The following PLEKHD1 variants were observed in gnomAD, a reference collection of about 807,000 sequenced individuals.
PLEKHD1 encodes the protein pleckstrin homology domain-containing family D member 1.
Under a neutral mutation model 69.2 loss-of-function variants are expected in PLEKHD1, and 51 were observed. That is an observed-to-expected ratio of 0.74 (90% confidence interval 0.59 to 0.93). The LOEUF is 0.93. PLEKHD1 is among the 40% of genes least tolerant of loss of function. The pLI is 0.00. For synonymous variants in PLEKHD1, 236 were observed against 244.7 expected, an observed-to-expected ratio of 0.96 and a Z score of 0.33; for missense variants, 584 against 641.0, an observed-to-expected ratio of 0.91 and a Z score of 0.96.
At chr14:69,519,492 C>T (rs1013741216) in intron 6 of PLEKHD1, among the ~76,000 whole-genome samples, 1 of 152,144 alleles carries the variant, frequency 6.6e-6, no homozygotes, top group African/African-American at 2.4e-5. Context: ...GTAGTACAGA[C>T]TCAGGTAGAA....
intron 1 of PLEKHD1, among the ~76,000 whole-genome samples, chr14:69,490,551 G>C (rs190573158): frequency 1.3e-5 from 2 of 152,310 alleles, no homozygotes; most frequent in Admixed American, 6.5e-5. Context: ...TTGTCTTACT[G>C]TTGTTGGAAT....
At chr14:69,524,816 C>T (rs957822298) in intron 8 of PLEKHD1, among the ~76,000 whole-genome samples, 1 of 152,140 alleles carries the variant, frequency 6.6e-6, no homozygotes, top group Non-Finnish European at 1.5e-5. Flanking sequence ...GCATGGCAAG[C>T]AAGTGAAAAC....
chr14:69,515,346 C>T (rs747344010), intron 6 of PLEKHD1, among the ~76,000 whole-genome samples: 1 of 152,150 alleles, frequency 6.6e-6, no homozygotes, highest in Non-Finnish European at 1.5e-5. Context: ...ATTGGCCCCC[C>T]CTGGAGTTTT....
chr14:69,479,266 A>T, the PLEKHD1 span, among the ~76,000 whole-genome samples: 5 of 152,314 alleles, frequency 3.3e-5, no homozygotes, highest in African/African-American at 9.6e-5. Flanking sequence ...CCCACAACAC[A>T]TGGGAATTCA....
chr14:69,501,031 G>A (rs957139742), intron 4 of PLEKHD1, 84 bp downstream of exon 4: 6 of 1,401,012 alleles, frequency 4.3e-6, no homozygotes, highest in African/African-American at 2.9e-5. Context: ...CCTCTCTGCT[G>A]GGATCCTGGT....
At chr14:69,527,136 C>A (rs1883670858) in intron 10 of PLEKHD1, 52 bp from the exon 11 acceptor site, 1 of 1,482,312 alleles carries the variant, frequency 6.7e-7, no homozygotes, top group Admixed American at 2.5e-5. Flanking sequence ...GGGAAGATGG[C>A]AGCTACTTCC....
intron 1 of PLEKHD1, among the ~76,000 whole-genome samples, chr14:69,490,448 C>T (rs761797239): frequency 6.6e-6 from 1 of 152,226 alleles, no homozygotes; most frequent in Non-Finnish European, 1.5e-5. Context: ...TTCACCTGCT[C>T]ATCTCCTGCT....
At chr14:69,528,059 C>A in intron 12 of PLEKHD1, 127 bp downstream of exon 12, 2 of 1,477,198 alleles carry the variant, frequency 1.4e-6, no homozygotes, top group Non-Finnish European at 1.8e-6. Flanking sequence ...GCCCCACCAT[C>A]CTTGGGCAAA....
intron 1 of PLEKHD1, among the ~76,000 whole-genome samples, chr14:69,499,278 T>G (rs998146124): frequency 6.8e-6 from 1 of 147,010 alleles, no homozygotes; most frequent in African/African-American, 2.5e-5. Flanking sequence ...CACACCAGCT[T>G]TCAGAATCGC....
At chr14:69,526,654 T>C in intron 9 of PLEKHD1, 43 bp from the exon 10 acceptor site, 3 of 1,450,962 alleles carry the variant, frequency 2.1e-6, no homozygotes, top group Non-Finnish European at 2.7e-6. Context: ...GCAATCCCAT[T>C]TGGCGAGTGA....
At chr14:69,480,429 C>G (rs1205264754), upstream of PLEKHD1, among the ~76,000 whole-genome samples, 2 of 152,168 alleles carry the variant, frequency 1.3e-5, no homozygotes, top group East Asian at 3.9e-4. Context: ...CAAGTAGACA[C>G]GACGTGGCCT....
intron 1 of PLEKHD1, among the ~76,000 whole-genome samples, chr14:69,497,699 A>G (rs928229892): frequency 3.3e-5 from 5 of 152,320 alleles, no homozygotes; most frequent in Admixed American, 2.6e-4. Context: ...AGGAAAGCTG[A>G]GAGGTGGGAA....
rs768964607 is a variant in PLEKHD1, at chr14:69,522,383, G to A, written c.650+6G>A. 5 of 1,551,310 alleles carry A rather than the reference G, an allele frequency of 3.2e-6. No homozygotes were observed. In the South Asian group the frequency reaches 4.8e-5, roughly 15 times the overall value. The stretch of plus-strand genomic sequence containing the variant: ...GAGCAGGAGCAGATCAAGAGGTGGT[G>A]GTGGTGCCTGGGAATTGGGGGTGCC... On this transcript the variant is annotated splice_donor_region_variant and intron_variant, in intron 7 of 12. Coordinates refer to ENST00000322564, the MANE Select transcript of PLEKHD1 (RefSeq NM_001161498.2).
intron 8 of PLEKHD1, 68 bp from the exon 9 acceptor site, chr14:69,525,876 C>A: frequency 7.0e-7 from 1 of 1,431,494 alleles, no homozygotes; most frequent in Middle Eastern, 1.8e-4. Context: ...AACGGAAAAG[C>A]AGGTGAGGGC....
rs146037131 is a variant in PLEKHD1, at chr14:69,490,120, G to A, written c.149+5006G>A. On this transcript the variant is annotated intron_variant, in intron 1 of 12. Transcript: ENST00000322564. ...TGACCTCAGGTGATCTGCCCGCCTCGGCCTCCCAAAGTGCTGGGTTTACAG... is the reference window on the plus strand; with the variant it reads ...TGACCTCAGGTGATCTGCCCGCCTCAGCCTCCCAAAGTGCTGGGTTTACAG... Among the ~76,000 whole-genome samples the A allele has an allele frequency of 7.5e-3, 1,137 of 152,198 alleles. 8 individuals are homozygous for A. The highest frequency in any genetic ancestry group is 0.026 in the African/African-American group (1,076 of 41,524).
chr14:69,520,166 CAAAAAAAAAAAAAAAA>C (rs761343645), intron 6 of PLEKHD1, among the ~76,000 whole-genome samples: 3 of 20,510 alleles, frequency 1.5e-4, no homozygotes, highest in African/African-American at 3.1e-4. Context: ...GACTCTGTCT[CAAAAAAAAAAAAAAAA>C]AAAAAAAAAA....
chr14:69,519,245 G>T (rs1883454561), intron 6 of PLEKHD1, among the ~76,000 whole-genome samples: 1 of 152,118 alleles, frequency 6.6e-6, no homozygotes, highest in Non-Finnish European at 1.5e-5. Flanking sequence ...ATAGCAGAGG[G>T]TTGAGCCTGT....
chr14:69,527,989 A>G lies in PLEKHD1; in HGVS notation c.1351+57A>G, dbSNP rs945713014. 4 of 1,547,866 alleles carry G rather than the reference A, an allele frequency of 2.6e-6. No homozygotes were observed. In the African/African-American group the frequency reaches 5.5e-5, roughly 21 times the overall value. ...ATGGTGACAAGGCAGGAAGAGGGCA[A>G]CATGGGGAGCCAGAAGGGTTGGCCC... On this transcript the variant is annotated intron_variant, in intron 12 of 12. Coordinates refer to ENST00000322564, the MANE Select transcript of PLEKHD1 (RefSeq NM_001161498.2).
upstream of PLEKHD1, among the ~76,000 whole-genome samples, chr14:69,484,432 G>A (rs1476202618): frequency 6.6e-6 from 1 of 152,184 alleles, no homozygotes; most frequent in Non-Finnish European, 1.5e-5. Flanking sequence ...TCTCGATGTC[G>A]GCGCTGCTCG....
Sources: gnomAD v4.1 joint callset for allele counts (sites outside exome capture counted in the v4.1 genomes callset) on GRCh38, gnomAD v4.1.1 for gene constraint, MANE v1.5 for transcripts, NCBI Gene and HGNC (gene_info 2026-07-23, HGNC 2026-07-21) for gene names.